The following OPA1 variants were observed in gnomAD, a reference collection of about 807,000 sequenced individuals.
The protein encoded by OPA1 is dynamin-like GTPase OPA1, mitochondrial.
In OPA1, 59 loss-of-function variants were observed where a neutral mutation model predicts 152.9. The observed-to-expected ratio is 0.39, with a 90% CI of 0.31 to 0.48. The LOEUF is 0.48. Ranked by LOEUF, OPA1 falls within the 20% of genes least tolerant of loss-of-function variation. The pLI is 0.96. For missense variants in OPA1, 1,008 were observed against 1,216.8 expected, an observed-to-expected ratio of 0.83 and a Z score of 2.55; for synonymous variants, 400 against 389.9, an observed-to-expected ratio of 1.03 and a Z score of -0.31.
intron 1 of OPA1, among the ~76,000 whole-genome samples, chr3:193,606,331 T>TA (rs1354043888): frequency 6.6e-6 from 1 of 152,168 alleles, no homozygotes; most frequent in African/African-American, 2.4e-5. Context: ...GTTTGTTACA[T>TA]ATGTATACAT....
At chr3:193,595,941 T>G (rs1725416231) in intron 1 of OPA1, among the ~76,000 whole-genome samples, 1 of 152,172 alleles carries the variant, frequency 6.6e-6, no homozygotes, top group Non-Finnish European at 1.5e-5. Flanking sequence ...ACCCTATGTA[T>G]ATATGCACAC....
At chr3:193,687,839 G>A (rs143405388) in intron 29 of OPA1, among the ~76,000 whole-genome samples, 1 of 152,268 alleles carries the variant, frequency 6.6e-6, no homozygotes, top group African/African-American at 2.4e-5. Flanking sequence ...GCAAGAAATC[G>A]GAATGTAGTT....
At chr3:193,620,081 A>G (rs1729779403) in intron 6 of OPA1, among the ~76,000 whole-genome samples, 1 of 152,212 alleles carries the variant, frequency 6.6e-6, no homozygotes, top group African/African-American at 2.4e-5. Flanking sequence ...GGGAAAAAAA[A>G]ATAAGTAGAA....
rs145999595 is a variant in OPA1 at position 193,662,893 on chromosome 3, T to C, written c.2592T>C (p.Leu864=). Residue 864 remains leucine (L), a synonymous_variant, in exon 26 of 31, where the codon CTT becomes CTC. Coordinates refer to ENST00000361510, the MANE Select transcript of OPA1 (RefSeq NM_130837.3). ...GTAATGAGGAGCACCCAGCTTATCT[T>C]GCAAGTGATGAAATAACCACAGTCC... ...LKCNEEHPAY[L]ASDEITTVRK... 3.4e-4 allele frequency: 554 copies of C among 1,613,496 alleles called. No individual in the cohort carries two copies. Among genetic ancestry groups the C allele is most frequent in the Non-Finnish European group, 4.2e-4 (501 of 1,179,594 alleles).
chr3:193,600,118 TA>T (rs1308425389), intron 1 of OPA1, among the ~76,000 whole-genome samples: 1 of 152,202 alleles, frequency 6.6e-6, no homozygotes, highest in African/African-American at 2.4e-5. Flanking sequence ...GACTCAAATA[TA>T]AAAGTACGGA....
intron 1 of OPA1, chr3:193,613,989 C>T (rs756550226): frequency 1.9e-6 from 1 of 518,868 alleles, no homozygotes; most frequent in Non-Finnish European, 3.8e-6. Context: ...AAGCAAGCAA[C>T]TATGTATGCA....
At chr3:193,693,735 C>T (rs1231489779) in intron 30 of OPA1, among the ~76,000 whole-genome samples, 1 of 152,054 alleles carries the variant, frequency 6.6e-6, no homozygotes, top group Non-Finnish European at 1.5e-5. Context: ...TATAAGTGTC[C>T]GTGTTCATAA....
At chr3:193,659,396 A>T in intron 24 of OPA1, 86 bp from the exon 25 acceptor site, 1 of 1,189,276 alleles carries the variant, frequency 8.4e-7, no homozygotes, top group Admixed American at 2.0e-5. Context: ...GCACTTTGAA[A>T]TAGTTAAGAA....
rs964369659 is a variant in OPA1 at position 193,694,737 on chromosome 3, G to A, written c.*137G>A. 2 of 152,192 alleles carry A rather than the reference G, an allele frequency of 1.3e-5. No individual in the cohort carries two copies. The highest frequency in any genetic ancestry group is 2.9e-5 in the Non-Finnish European group (2 of 68,026). 9.4% of individuals were successfully genotyped at this position (152,192 alleles called of 1,614,324 possible). A position where few individuals can be genotyped will look rare whatever the true frequency, so the allele number is the denominator to read the frequency against. On this transcript the variant is annotated 3_prime_UTR_variant, in exon 31 of 31. Transcript: ENST00000361510. ...AAGTCATGGGATAAAAATAATCGAT[G>A]TATGTTACGGGCGCTTTAACCATCA...
At chr3:193,656,767 C>G (rs985268735) in intron 22 of OPA1, among the ~76,000 whole-genome samples, 3 of 151,984 alleles carry the variant, frequency 2.0e-5, no homozygotes, top group African/African-American at 7.2e-5. Context: ...TCAGTTAGTC[C>G]AAGAGAAGCC....
At chr3:193,672,868 CAAA>C (rs10713785) in intron 29 of OPA1, among the ~76,000 whole-genome samples, 5 of 106,054 alleles carry the variant, frequency 4.7e-5, no homozygotes, top group Admixed American at 9.1e-5. Context: ...GACTCCATCT[CAAA>C]AAAAAAAAAA....
intron 16 of OPA1, 131 bp downstream of exon 16, chr3:193,644,236 G>T: frequency 9.0e-7 from 1 of 1,105,338 alleles, no homozygotes; most frequent in East Asian, 2.7e-5. Flanking sequence ...TACAATGAAA[G>T]GATAAAGCAA....
intron 27 of OPA1, 141 bp downstream of exon 27, chr3:193,665,137 A>C (rs1716226221): frequency 1.6e-6 from 1 of 619,226 alleles, no homozygotes; most frequent in East Asian, 2.8e-5. Flanking sequence ...ATAAAGAATA[A>C]TCTAACTCTT....
At chr3:193,671,459 G>A (rs927281768) in intron 29 of OPA1, among the ~76,000 whole-genome samples, 2 of 152,162 alleles carry the variant, frequency 1.3e-5, no homozygotes, top group Non-Finnish European at 2.9e-5. Flanking sequence ...AGTTGGAAGA[G>A]ACTTAAAACT....
At chr3:193,595,751 C>T (rs186607352) in intron 1 of OPA1, among the ~76,000 whole-genome samples, 1 of 152,214 alleles carries the variant, frequency 6.6e-6, no homozygotes, top group Non-Finnish European at 1.5e-5. Context: ...CTTTATCTTT[C>T]TTCATTTCTG....
intron 1 of OPA1, among the ~76,000 whole-genome samples, chr3:193,595,958 AT>A (rs1725420085): frequency 6.6e-6 from 1 of 152,064 alleles, no homozygotes; most frequent in Admixed American, 6.6e-5. Flanking sequence ...ACACTTTTTT[AT>A]TTTTAAATTA....
rs1019008631 is a variant in OPA1, at chr3:193,593,211, C to T, written c.-167C>T. On this transcript the variant is annotated 5_prime_UTR_variant, in exon 1 of 31. Coordinates refer to ENST00000361510, the MANE Select transcript of OPA1 (RefSeq NM_130837.3). ...GGACTGAGTACGGGTGCCTGTCAGGCTCTTGCGGAAGTCCATGCGCCATTG... is the reference window on the plus strand; with the variant it reads ...GGACTGAGTACGGGTGCCTGTCAGGTTCTTGCGGAAGTCCATGCGCCATTG... The T allele has an allele frequency of 8.6e-6, 5 of 578,882 alleles. No individual in the cohort carries two copies. Among genetic ancestry groups the T allele is most frequent in the African/African-American group, 3.9e-5 (2 of 51,906 alleles). 35.9% of individuals were successfully genotyped at this position (578,882 alleles called of 1,614,324 possible).
At chr3:193,596,993 G>A (rs187851914) in intron 1 of OPA1, 1 of 152,336 alleles carries the variant, frequency 6.6e-6, no homozygotes, top group East Asian at 1.9e-4. Context: ...TGGTGACAGA[G>A]AGTGGTGTCA....
chr3:193,672,868 CA>C (rs10713785), intron 29 of OPA1, among the ~76,000 whole-genome samples: 98,335 of 106,106 alleles, frequency 0.93, 45,338 homozygotes, highest in Middle Eastern at 0.97. Flanking sequence ...GACTCCATCT[CA>C]AAAAAAAAAA....
Sources: gnomAD v4.1 joint callset for allele counts (sites outside exome capture counted in the v4.1 genomes callset) on GRCh38, gnomAD v4.1.1 for gene constraint, MANE v1.5 for transcripts, NCBI Gene and HGNC (gene_info 2026-07-23, HGNC 2026-07-21) for gene names.